The following DIAPH1 variants were observed in gnomAD, a reference collection of about 807,000 sequenced individuals.
DIAPH1 encodes diaphanous related formin 1, also known as protein diaphanous homolog 1.
Under a neutral mutation model 140.7 loss-of-function variants are expected in DIAPH1, and 46 were observed. The observed-to-expected ratio is 0.33, with a 90% confidence interval of 0.26 to 0.42. The LOEUF is 0.42. Among genes scored for constraint, DIAPH1 ranks in the 10% least tolerant of loss-of-function variants. DIAPH1 has a pLI of 1.00. For missense variants in DIAPH1, 1,310 were observed against 1,558.7 expected, an observed-to-expected ratio of 0.84 and a Z score of 2.69; for synonymous variants, 565 against 551.6, an observed-to-expected ratio of 1.02 and a Z score of -0.34.
chr5:141,611,572 G>A (rs1345576729), intron 1 of DIAPH1, among the ~76,000 whole-genome samples: 1 of 151,942 alleles, frequency 6.6e-6, no homozygotes, highest in East Asian at 1.9e-4. Context: ...CAGAATGAAA[G>A]ACAGACAAAA....
chr5:141,574,281 A>G, intron 15 of DIAPH1, 73 bp from the exon 16 acceptor site: 1 of 1,458,816 alleles, frequency 6.9e-7, no homozygotes, highest in African/African-American at 1.4e-5. Flanking sequence ...GGAACCTAAT[A>G]AACTACTTAA....
chr5:141,603,282 G>C (rs1464003103), intron 1 of DIAPH1, among the ~76,000 whole-genome samples: 1 of 152,162 alleles, frequency 6.6e-6, no homozygotes, highest in Non-Finnish European at 1.5e-5. Context: ...AAACTCATTA[G>C]TTCCACAATG....
chr5:141,618,348 A>G (rs2099903029), intron 1 of DIAPH1: 2 of 153,652 alleles, frequency 1.3e-5, no homozygotes, highest in African/African-American at 2.4e-5. Context: ...AAAAGGATGA[A>G]TCATGGAGAA....
chr5:141,530,095 A>G (rs1346002553), intron 19 of DIAPH1, among the ~76,000 whole-genome samples: 2 of 152,090 alleles, frequency 1.3e-5, no homozygotes, highest in Admixed American at 6.5e-5. Flanking sequence ...AAAAGTATAT[A>G]TACGTCAAAG....
chr5:141,559,252 G>A (rs2099893152), intron 18 of DIAPH1, among the ~76,000 whole-genome samples: 1 of 152,140 alleles, frequency 6.6e-6, no homozygotes, highest in Non-Finnish European at 1.5e-5. Context: ...ATATACATAA[G>A]GGATAAATTC....
chr5:141,575,173 A>G, intron 14 of DIAPH1, 27 bp from the exon 15 acceptor site: 1 of 1,613,000 alleles, frequency 6.2e-7, no homozygotes, highest in South Asian at 1.1e-5. Context: ...TCAGGCTCCC[A>G]GCAAGCTCTC....
rs747413214 is a variant in DIAPH1 at position 141,574,203 on chromosome 5, G to A, written c.1647C>T (p.Ala549=). The change falls in exon 16 of 28, where the codon GCC becomes GCT. Residue 549 remains alanine (A), a synonymous_variant. Transcript: ENST00000389054. Reference sequence around the variant, plus strand: ...CATCTTCCAGTTCCTTTGTCAGCTTGGCAACCTACAGAAATAACATCAATG... The same window carrying A: ...CATCTTCCAGTTCCTTTGTCAGCTTAGCAACCTACAGAAATAACATCAATG... ...AEVSQLTGEV[A]KLTKELEDAK... The A allele has an allele frequency of 3.1e-6, 5 of 1,613,922 alleles. No individual in the cohort carries two copies. The African/African-American group carries it at 6.7e-5, about 22-fold the overall frequency.
intron 1 of DIAPH1, among the ~76,000 whole-genome samples, chr5:141,590,741 TAAA>T (rs11387857): frequency 7.0e-6 from 1 of 143,462 alleles, no homozygotes; most frequent in Non-Finnish European, 1.5e-5. Flanking sequence ...AGCTTAAGTT[TAAA>T]AAAAAAAAAA....
chr5:141,559,678 A>G (rs2099893211), intron 18 of DIAPH1, among the ~76,000 whole-genome samples: 1 of 152,152 alleles, frequency 6.6e-6, no homozygotes, highest in Non-Finnish European at 1.5e-5. Context: ...TGGTGACTCA[A>G]TTAGGGAGTG....
rs769201908 is a variant in DIAPH1, at chr5:141,534,410, C to G, written c.2506G>C (p.Glu836Gln). Reference protein sequence around the residue: ...SKAKKDQEGGEEKKSVQKKKV... With the variant: ...SKAKKDQEGGQEKKSVQKKKV... ...TTCTTTTGCACAGATTTCTTTTCTT[C>G]TCCACCTTCTTGATCCTTCTTGGCT... Residue 836 changes from glutamate (E) to glutamine (Q), a missense_variant, in exon 19 of 28, where the codon GAA (glutamate) becomes CAA (glutamine). Physicochemically the swap from Glu to Gln is conservative, Grantham distance 29. Transcript: ENST00000389054. 2 of 1,613,594 alleles carry G rather than the reference C, an allele frequency of 1.2e-6. No homozygotes were observed. Among genetic ancestry groups the G allele is most frequent in the African/African-American group, 2.7e-5 (2 of 74,918 alleles).
intron 26 of DIAPH1, among the ~76,000 whole-genome samples, chr5:141,525,134 G>A (rs151174630): frequency 6.6e-6 from 1 of 152,294 alleles, no homozygotes; most frequent in Non-Finnish European, 1.5e-5. Context: ...ATAGCATTAC[G>A]AAGTTGTGGC....
chr5:141,566,118 A>G (rs1052162258), intron 18 of DIAPH1, among the ~76,000 whole-genome samples: 2 of 152,238 alleles, frequency 1.3e-5, no homozygotes, highest in African/African-American at 4.8e-5. Context: ...CTGGTAGGAC[A>G]AATGGATTAG....
At chr5:141,536,559 A>G (rs2099889054) in intron 18 of DIAPH1, among the ~76,000 whole-genome samples, 1 of 152,148 alleles carries the variant, frequency 6.6e-6, no homozygotes, top group Non-Finnish European at 1.5e-5. Flanking sequence ...GCTGCTGTGA[A>G]AAGAAAAACA....
rs1047623626 is a variant in DIAPH1, at chr5:141,565,377, T to C, written c.2482+6051A>G. On this transcript the variant is annotated intron_variant, in intron 18 of 27. Coordinates refer to ENST00000389054, the MANE Select transcript of DIAPH1 (RefSeq NM_005219.5). This position sits in a 1 kb window ranked among gnomAD's most constrained non-coding sequence, Gnocchi z 4.3. ...GAAAAGGATTTTCCCATTCCTTTAT[T>C]AGAATAACATATGTATATAAAAAGT... The C allele has an allele frequency of 3.9e-5, 6 of 152,214 alleles. No homozygotes were observed. The highest frequency in any genetic ancestry group is 1.4e-4 in the African/African-American group (6 of 41,448). 9.4% of individuals were successfully genotyped at this position (152,214 alleles called of 1,614,324 possible). A position where few individuals can be genotyped will look rare whatever the true frequency, so the allele number is the denominator to read the frequency against.
In DIAPH1 at chr5:141,575,064, T is replaced by C; in HGVS notation, c.1544A>G (p.Asp515Gly). Residue 515 changes from aspartate to glycine, a missense_variant, in exon 15 of 28, where the codon GAT becomes GGT. Asp to Gly is a moderately conservative substitution (Grantham distance 94, BLOSUM62 -1). Transcript: ENST00000389054. ...CAGTGCATCTTTTTCTCCCTGAAGATCTTGAAGCTTCTGCTCAAAGTCACT... is the reference window on the plus strand; with the variant it reads ...CAGTGCATCTTTTTCTCCCTGAAGACCTTGAAGCTTCTGCTCAAAGTCACT... Reference protein sequence around the residue: ...MESDFEQKLQDLQGEKDALHS... With the variant: ...MESDFEQKLQGLQGEKDALHS... The C allele has an allele frequency of 1.2e-6, 2 of 1,614,218 alleles. No individual in the cohort carries two copies. The highest frequency in any genetic ancestry group is 1.7e-6 in the Non-Finnish European group (2 of 1,180,028).
Position 141,587,217 on chromosome 5 carries a change from A to T in DIAPH1, c.145-20T>A, listed in dbSNP as rs896383947. ...CTCCAGCTGAGAAACAGAAAAAAGC[A>T]TTAGCAGTGATCCATTTTCACTTAC... On this transcript the variant is annotated intron_variant, in intron 2 of 27. Transcript: ENST00000389054. The T allele has an allele frequency of 6.2e-7, 1 of 1,612,890 alleles. No individual in the cohort carries two copies. Among genetic ancestry groups the T allele is most frequent in the Non-Finnish European group, 8.5e-7 (1 of 1,179,658 alleles).
At chr5:141,527,330 C>T (rs2099887520) in intron 24 of DIAPH1, among the ~76,000 whole-genome samples, 1 of 152,072 alleles carries the variant, frequency 6.6e-6, no homozygotes, top group Non-Finnish European at 1.5e-5. Context: ...GGGTAAGGAT[C>T]GTTTGAGTCC....
At chr5:141,552,801 C>G (rs775094037) in intron 18 of DIAPH1, among the ~76,000 whole-genome samples, 1 of 152,110 alleles carries the variant, frequency 6.6e-6, no homozygotes, top group Non-Finnish European at 1.5e-5. Flanking sequence ...AAAGACCACA[C>G]GAGGACACAG....
intron 18 of DIAPH1, among the ~76,000 whole-genome samples, chr5:141,557,400 G>C (rs767008498): frequency 6.6e-6 from 1 of 152,054 alleles, no homozygotes; most frequent in South Asian, 2.1e-4. Context: ...ATGGACATAG[G>C]GGTGTTCATA....
Sources: allele counts gnomAD v4.1 joint callset (sites outside exome capture counted in the v4.1 genomes callset), GRCh38; gene constraint gnomAD v4.1.1; non-coding constraint Gnocchi (gnomAD v3.1); transcripts MANE v1.5; gene names NCBI Gene and HGNC (gene_info 2026-07-23, HGNC 2026-07-21).